PCDH9: variants seen among roughly 807,000 people sequenced by gnomAD.
PCDH9 encodes the protein protocadherin-9.
A neutral mutation model predicts 70.6 loss-of-function variants in PCDH9; 24 were observed. The observed-to-expected ratio is 0.34, with a 90% confidence interval of 0.25 to 0.48. The LOEUF is 0.48. PCDH9 is among the 20% of genes least tolerant of loss of function. The pLI, the probability that PCDH9 is intolerant of heterozygous loss-of-function variation, is 0.99. For missense variants in PCDH9, 1,281 were observed against 1,503.6 expected (o/e 0.85, Z 2.45); for synonymous variants, 562 against 558.5 (o/e 1.01, Z -0.09).
At chr13:67,152,423 A>T (rs1253878340) in intron 2 of PCDH9, among the ~76,000 whole-genome samples, 1 of 152,188 alleles carries the variant, frequency 6.6e-6, no homozygotes, top group African/African-American at 2.4e-5. Context: ...CAAACAACAG[A>T]TTTTTCAACC....
At chr13:66,994,123 G>C (rs1405365459) in intron 2 of PCDH9, among the ~76,000 whole-genome samples, 1 of 152,142 alleles carries the variant, frequency 6.6e-6, no homozygotes, top group Non-Finnish European at 1.5e-5. Flanking sequence ...AGTTATCAGA[G>C]ACTAAAAGTC....
intron 4 of PCDH9, among the ~76,000 whole-genome samples, chr13:66,331,800 A>G (rs1334399): frequency 0.63 from 95,162 of 151,966 alleles, 30,901 homozygotes; most frequent in Non-Finnish European, 0.73. Context: ...TAGGAACAAC[A>G]AGTTCCTTGG....
chr13:67,035,394 T>C (rs1351207054), intron 2 of PCDH9, among the ~76,000 whole-genome samples: 12 of 152,088 alleles, frequency 7.9e-5, no homozygotes, highest in Admixed American at 7.9e-4. Context: ...CCCATGTGGT[T>C]GAATTATGTT....
chr13:66,711,995 TTC>T (rs1372636014), intron 3 of PCDH9, among the ~76,000 whole-genome samples: 1 of 152,170 alleles, frequency 6.6e-6, no homozygotes, highest in Non-Finnish European at 1.5e-5. Context: ...GAAGTTCTTT[TTC>T]TCTCTTTCAT....
At chr13:66,751,030 A>G (rs1036953116) in intron 3 of PCDH9, among the ~76,000 whole-genome samples, 2 of 152,180 alleles carry the variant, frequency 1.3e-5, no homozygotes, top group Non-Finnish European at 2.9e-5. Flanking sequence ...TATAACAAAT[A>G]GCTAACAATT....
chr13:66,969,180 G>T (rs1222152061), intron 2 of PCDH9, among the ~76,000 whole-genome samples: 1 of 151,980 alleles, frequency 6.6e-6, no homozygotes, highest in Non-Finnish European at 1.5e-5. Context: ...ACCGCTTAGT[G>T]ATTTGATTTT....
chr13:67,077,291 C>T (rs1221134458), intron 2 of PCDH9, among the ~76,000 whole-genome samples: 1 of 152,194 alleles, frequency 6.6e-6, no homozygotes, highest in Non-Finnish European at 1.5e-5. Context: ...GCATATCAGG[C>T]ATGCTTTTAC....
intron 2 of PCDH9, among the ~76,000 whole-genome samples, chr13:67,112,128 C>T (rs1424121874): frequency 1.3e-5 from 2 of 152,192 alleles, no homozygotes; most frequent in East Asian, 3.9e-4. Flanking sequence ...CAGGCTCCAA[C>T]TTTCACATGT....
rs968632127 is a variant in PCDH9 at position 66,631,304 on chromosome 13, G to T, written c.3246C>A (p.His1082Gln). The change falls in exon 4 of 5, where the codon CAC becomes CAA. Residue 1082 changes from histidine to glutamine, a missense_variant. Physicochemically the swap from His to Gln is conservative, Grantham distance 24. This residue lies in a region of PCDH9 where 264 missense variants were observed against 278.8 expected (regional missense o/e 0.95). Transcript: ENST00000377865. The part of the protein sequence containing the change: ...EPVGSGTLIS[H>Q]PLPLVQPQDE... ...CCTGTGGCTGAACCAGAGGAAGAGG[G>T]TGTGAGATCAGGGTTCCACTACCCA... is the stretch of plus-strand genomic sequence containing the variant. 3 of 1,606,460 alleles carry T rather than the reference G, an allele frequency of 1.9e-6. No homozygotes were observed. In the South Asian group the frequency reaches 3.3e-5, roughly 18 times the overall value.
chr13:66,744,775 G>C (rs1200982772), intron 3 of PCDH9, among the ~76,000 whole-genome samples: 1 of 152,076 alleles, frequency 6.6e-6, no homozygotes, highest in Admixed American at 6.6e-5. Context: ...TACGGTTTCT[G>C]GTCCCAGCTG....
At chr13:66,388,529 G>T (rs1012411662) in intron 4 of PCDH9, among the ~76,000 whole-genome samples, 34 of 151,856 alleles carry the variant, frequency 2.2e-4, no homozygotes, top group African/African-American at 7.7e-4. Flanking sequence ...AATTTATAGG[G>T]TTTATTTTTA....
chr13:66,572,124 A>G (rs2138746408), intron 4 of PCDH9, among the ~76,000 whole-genome samples: 1 of 152,270 alleles, frequency 6.6e-6, no homozygotes, highest in East Asian at 1.9e-4. Flanking sequence ...TTTGTAGGGT[A>G]CATGTGATAT....
At chr13:66,522,064 TA>T (rs1379402012) in intron 4 of PCDH9, among the ~76,000 whole-genome samples, 101 of 148,462 alleles carry the variant, frequency 6.8e-4, no homozygotes, top group African/African-American at 2.4e-3. Context: ...GTTTTATACA[TA>T]TTTTAAATAT....
At chr13:67,047,680 T>A (rs1025875040) in intron 2 of PCDH9, among the ~76,000 whole-genome samples, 1 of 152,190 alleles carries the variant, frequency 6.6e-6, no homozygotes, top group Non-Finnish European at 1.5e-5. Flanking sequence ...TTAGTTAAAA[T>A]GTACTCTATC....
intron 4 of PCDH9, among the ~76,000 whole-genome samples, chr13:66,500,111 A>T (rs1323401572): frequency 6.6e-6 from 1 of 152,194 alleles, no homozygotes; most frequent in Non-Finnish European, 1.5e-5. Flanking sequence ...AACCATTAAG[A>T]TATTTTCCTC....
At chr13:66,329,253 T>C (rs943805639) in intron 4 of PCDH9, among the ~76,000 whole-genome samples, 1 of 152,210 alleles carries the variant, frequency 6.6e-6, no homozygotes, top group East Asian at 1.9e-4. Flanking sequence ...CACAGTTGCC[T>C]ATATGACTGT....
intron 3 of PCDH9, among the ~76,000 whole-genome samples, chr13:66,855,619 T>C (rs187506468): frequency 5.7e-4 from 87 of 152,100 alleles, no homozygotes; most frequent in Non-Finnish European, 1.1e-3. Context: ...AGAATATATA[T>C]ATATAGCAAA....
At chr13:66,458,052 T>G (rs2138445154) in intron 4 of PCDH9, among the ~76,000 whole-genome samples, 1 of 152,120 alleles carries the variant, frequency 6.6e-6, no homozygotes, top group South Asian at 2.1e-4. Context: ...CTCTGTACAG[T>G]ACCTAACAAA....
chr13:66,709,562 T>G (rs2078764344), intron 3 of PCDH9, among the ~76,000 whole-genome samples: 1 of 152,270 alleles, frequency 6.6e-6, no homozygotes, highest in South Asian at 2.1e-4. Context: ...GATTGATTAG[T>G]GAGTTACCAA....
Sources: allele counts gnomAD v4.1 joint callset (sites outside exome capture counted in the v4.1 genomes callset), GRCh38; gene constraint gnomAD v4.1.1; regional missense constraint gnomAD v4.1.1; transcripts MANE v1.5; gene names NCBI Gene and HGNC (gene_info 2026-07-23, HGNC 2026-07-21).